BMPR2: variants seen among roughly 807,000 people sequenced by gnomAD.
BMPR2 encodes bone morphogenetic protein receptor type-2.
In BMPR2, 29 loss-of-function variants were observed where a neutral mutation model predicts 100.8. That is an observed-to-expected ratio of 0.29 (90% CI 0.21 to 0.39). The LOEUF (loss-of-function observed/expected upper bound fraction) is 0.39, where lower values mean the gene tolerates loss of function less well. Among genes scored for constraint, BMPR2 ranks in the 10% least tolerant of loss-of-function variants. BMPR2 has a pLI of 1.00. For missense variants in BMPR2, 1,011 were observed against 1,274.5 expected, an observed-to-expected ratio of 0.79 and a Z score of 3.15; for synonymous variants, 382 against 442.3, an observed-to-expected ratio of 0.86 and a Z score of 1.71.
At chr2:202,451,677 G>A (rs1267067314) in intron 1 of BMPR2, among the ~76,000 whole-genome samples, 1 of 152,074 alleles carries the variant, frequency 6.6e-6, no homozygotes, top group Non-Finnish European at 1.5e-5. Flanking sequence ...CCAGCCTGGG[G>A]GACAAGAACG....
At chr2:202,476,137 G>A (rs1251713583) in intron 3 of BMPR2, among the ~76,000 whole-genome samples, 1 of 146,996 alleles carries the variant, frequency 6.8e-6, no homozygotes, top group East Asian at 2.0e-4. Flanking sequence ...TGGTGGAATT[G>A]ACCAGTGTTT....
rs371404689 is a variant in BMPR2 at position 202,503,416 on chromosome 2, C to G, written c.419-10303C>G. Among the ~76,000 whole-genome samples the G allele has an allele frequency of 6.6e-6, 1 of 152,248 alleles. No individual in the cohort carries two copies. The highest frequency in any genetic ancestry group is 1.5e-5 in the Non-Finnish European group (1 of 68,038). ...GCAAGCAGGAACCGGGGCGGCGTGC[C>G]GCGCTTGCGGGCCAGCCGGAGTTCC... is the stretch of plus-strand genomic sequence containing the variant. On this transcript the variant is annotated intron_variant, in intron 3 of 12. Transcript: ENST00000374580. The surrounding 1 kb of genome is among the most constrained non-coding windows in gnomAD (Gnocchi z 4.0).
chr2:202,408,799 A>C (rs768179321), intron 1 of BMPR2, among the ~76,000 whole-genome samples: 6 of 152,222 alleles, frequency 3.9e-5, no homozygotes, highest in South Asian at 2.1e-4. Flanking sequence ...CACTTGAACT[A>C]TCTTGGAAAC....
chr2:202,390,888 C>CT (rs904723578), intron 1 of BMPR2, among the ~76,000 whole-genome samples: 13 of 143,756 alleles, frequency 9.0e-5, no homozygotes, highest in South Asian at 2.2e-4. Context: ...ATTACAACTG[C>CT]TTTTTTTTTC....
At chr2:202,397,358 T>C (rs1173915731) in intron 1 of BMPR2, among the ~76,000 whole-genome samples, 1 of 152,182 alleles carries the variant, frequency 6.6e-6, no homozygotes, top group Non-Finnish European at 1.5e-5. Flanking sequence ...TAACTATCAA[T>C]TAATATCTCC....
At chr2:202,419,067 G>A (rs1010853497) in intron 1 of BMPR2, among the ~76,000 whole-genome samples, 5 of 152,142 alleles carry the variant, frequency 3.3e-5, no homozygotes, top group Non-Finnish European at 5.9e-5. Flanking sequence ...GGTTTGTAAG[G>A]CGTGACTCCC....
chr2:202,474,892 T>C (rs1416453898), intron 3 of BMPR2: 4 of 152,198 alleles, frequency 2.6e-5, no homozygotes, highest in Admixed American at 1.3e-4. Context: ...TATATTCATG[T>C]ATTATTTGTG....
chr2:202,437,537 G>A (rs1472600535), intron 1 of BMPR2, among the ~76,000 whole-genome samples: 1 of 150,362 alleles, frequency 6.7e-6, no homozygotes, highest in African/African-American at 2.5e-5. Context: ...CCACAGAGTT[G>A]TGCAACTGTC....
intron 1 of BMPR2, among the ~76,000 whole-genome samples, chr2:202,420,759 C>A (rs1035540039): frequency 4.0e-5 from 6 of 151,050 alleles, no homozygotes; most frequent in African/African-American, 1.5e-4. Context: ...GTTGGCCAGG[C>A]TGGTCATGAA....
chr2:202,473,795 TAAATA>T lies in BMPR2; in HGVS notation c.418+6132_418+6136del, dbSNP rs537405726. 7.6e-3 allele frequency among the ~76,000 whole-genome samples: 942 copies of T among 124,244 alleles called. 7 individuals carry two copies. Among genetic ancestry groups the T allele is most frequent in the African/African-American group, 0.026 (850 of 32,760 alleles). The allele number at this position is 124,244 out of a possible 152,430, so 81.5% of individuals were successfully genotyped here. On this transcript the variant is annotated intron_variant, in intron 3 of 12. Transcript: ENST00000374580. Reference sequence around the variant, plus strand: ...GACAGAGTGAGACACTGTCTCAAAATAAATAAAATAAAATAAAATAAAATAAAATA... The same window carrying T: ...GACAGAGTGAGACACTGTCTCAAAATAAATAAAATAAAATAAAATAAAATA...
intron 1 of BMPR2, among the ~76,000 whole-genome samples, chr2:202,418,387 T>C (rs757839766): frequency 6.6e-6 from 1 of 152,222 alleles, no homozygotes; most frequent in African/African-American, 2.4e-5. Context: ...AAATTTATCT[T>C]GACATTTAAT....
chr2:202,469,190 G>A (rs551385742), intron 3 of BMPR2, among the ~76,000 whole-genome samples: 6 of 151,990 alleles, frequency 3.9e-5, no homozygotes, highest in Admixed American at 1.3e-4. Context: ...CACCACGCCC[G>A]GCTAATTTTG....
intron 9 of BMPR2, among the ~76,000 whole-genome samples, chr2:202,537,873 C>G (rs1688192541): frequency 6.6e-6 from 1 of 151,306 alleles, no homozygotes; most frequent in South Asian, 2.1e-4. Flanking sequence ...AAACCCAGCA[C>G]TTTAGGAGGC....
At chr2:202,399,059 C>G (rs549754406) in intron 1 of BMPR2, among the ~76,000 whole-genome samples, 1 of 151,538 alleles carries the variant, frequency 6.6e-6, no homozygotes, top group African/African-American at 2.4e-5. Flanking sequence ...ACCTGGGAGG[C>G]GGAGGTTATG....
intron 1 of BMPR2, among the ~76,000 whole-genome samples, chr2:202,430,561 TTGAC>T (rs1204680809): frequency 6.6e-6 from 1 of 152,214 alleles, no homozygotes; most frequent in Non-Finnish European, 1.5e-5. Flanking sequence ...ACTGCTAACT[TTGAC>T]TGACATTACT....
chr2:202,495,817 T>G lies in BMPR2; in HGVS notation c.419-17902T>G, dbSNP rs1693014035. 1.3e-5 allele frequency among the ~76,000 whole-genome samples: 2 copies of G among 152,266 alleles called. No homozygotes were observed. The highest frequency in any genetic ancestry group is 4.8e-5 in the African/African-American group (2 of 41,472). ...ATTTCAGATTTTGAATTAATGAATG[T>G]TTAATGTAAAAGTTTTGTTAAATTT... On this transcript the variant is annotated intron_variant, in intron 3 of 12. Transcript: ENST00000374580. The surrounding 1 kb of genome is among the most constrained non-coding windows in gnomAD (Gnocchi z 4.5).
chr2:202,526,784 C>G (rs1276698605), intron 7 of BMPR2, among the ~76,000 whole-genome samples: 1 of 152,142 alleles, frequency 6.6e-6, no homozygotes, highest in African/African-American at 2.4e-5. Context: ...GCTAATGTTA[C>G]CACTAAATAA....
At chr2:202,393,967 G>A (rs1690610283) in intron 1 of BMPR2, among the ~76,000 whole-genome samples, 1 of 147,502 alleles carries the variant, frequency 6.8e-6, no homozygotes, top group African/African-American at 2.5e-5. Context: ...CATATCATCA[G>A]TAATTATCTT....
At chr2:202,393,983 CTG>C (rs2105905412) in intron 1 of BMPR2, among the ~76,000 whole-genome samples, 1 of 145,900 alleles carries the variant, frequency 6.9e-6, no homozygotes, top group African/African-American at 2.5e-5. Context: ...ATCTTGAGAA[CTG>C]TGTTGGAGGA....
Sources: gnomAD v4.1 joint callset for allele counts (sites outside exome capture counted in the v4.1 genomes callset) on GRCh38, gnomAD v4.1.1 for gene constraint, Gnocchi (gnomAD v3.1) non-coding constraint, MANE v1.5 for transcripts, NCBI Gene and HGNC (gene_info 2026-07-23, HGNC 2026-07-21) for gene names.